Variants in HSPBAP1 observed in about 807,000 individuals in gnomAD.
The protein encoded by HSPBAP1 is HSPB1-associated protein 1.
Under a neutral mutation model 45.2 loss-of-function variants are expected in HSPBAP1, and 27 were observed. The observed-to-expected ratio is 0.60, with a 90% CI of 0.44 to 0.82. The LOEUF is 0.82. Among genes scored for constraint, HSPBAP1 ranks in the 40% least tolerant of loss-of-function variants. HSPBAP1 has a pLI of 0.00. For missense variants in HSPBAP1, 510 were observed against 590.9 expected (o/e 0.86, Z 1.42); for synonymous variants, 204 against 202.7 (o/e 1.01, Z -0.06).
chr3:122,793,721 C>A lies in HSPBAP1; in HGVS notation c.-41G>T, dbSNP rs373575214. 1 of 1,604,416 alleles carries A rather than the reference C, an allele frequency of 6.2e-7. No individual in the cohort carries two copies. The highest frequency in any genetic ancestry group is 8.5e-7 in the Non-Finnish European group (1 of 1,172,406). ...GGTTCTGCCGGAACCCAAGGCGGAG[C>A]GGAGCTGGGGTGGGGTCAGAGTAGG... On this transcript the variant is annotated 5_prime_UTR_variant, in exon 1 of 8. Coordinates refer to ENST00000306103, the MANE Select transcript of HSPBAP1 (RefSeq NM_024610.6).
chr3:122,751,474 A>G (rs1476072883), intron 6 of HSPBAP1, among the ~76,000 whole-genome samples: 4 of 152,202 alleles, frequency 2.6e-5, no homozygotes, highest in Non-Finnish European at 5.9e-5. Flanking sequence ...AAAGGAAAAA[A>G]TCACCCATAA....
intron 6 of HSPBAP1, among the ~76,000 whole-genome samples, chr3:122,747,909 T>G (rs1000733263): frequency 2.0e-5 from 3 of 152,128 alleles, no homozygotes; most frequent in African/African-American, 7.2e-5. Context: ...GAACGGGCCA[T>G]GATGACAATG....
Position 122,740,371 on chromosome 3 carries a change from G to A in HSPBAP1, c.1441C>T (p.Leu481Phe). Residue 481 changes from leucine to phenylalanine, a missense_variant, in exon 8 of 8, where the codon CTT becomes TTT. By Grantham distance (22) the Leu-to-Phe change is conservative. Coordinates refer to ENST00000306103, the MANE Select transcript of HSPBAP1 (RefSeq NM_024610.6). The part of the protein sequence containing the change: ...NPQVTRIVAQ[L>F]LIQGRSL ...CATAAACTTCTTCCTTGTATCAAAA[G>A]TTGTGCCACTATCCTGGTTACTTGT... is the stretch of plus-strand genomic sequence containing the variant. 6.2e-7 allele frequency: 1 copy of A among 1,606,544 alleles called. No individual in the cohort carries two copies. Among genetic ancestry groups the A allele is most frequent in the African/African-American group, 1.3e-5 (1 of 74,868 alleles).
chr3:122,783,398 A>C (rs1207252498), intron 1 of HSPBAP1, among the ~76,000 whole-genome samples: 1 of 152,224 alleles, frequency 6.6e-6, no homozygotes, highest in Non-Finnish European at 1.5e-5. Context: ...CGCGTGTATG[A>C]AAATGAACAC....
chr3:122,747,811 C>T lies in HSPBAP1; in HGVS notation c.825+4780G>A, dbSNP rs867733498. Reference sequence around the variant, plus strand: ...CGCCCCGTCCGGGAGGTGAGGGGCGCCTCTGCCCAGCCGCCCCTACTGGGA... The same window carrying T: ...CGCCCCGTCCGGGAGGTGAGGGGCGTCTCTGCCCAGCCGCCCCTACTGGGA... On this transcript the variant is annotated intron_variant, in intron 6 of 7. Transcript: ENST00000306103. Among the ~76,000 whole-genome samples, 342 of 146,740 alleles carry T rather than the reference C, an allele frequency of 2.3e-3. 11 individuals are homozygous for T. The highest frequency in any genetic ancestry group is 8.5e-3 in the African/African-American group (317 of 37,412).
At chr3:122,772,124 T>C (rs975115863) in intron 2 of HSPBAP1, among the ~76,000 whole-genome samples, 1 of 152,212 alleles carries the variant, frequency 6.6e-6, no homozygotes, top group South Asian at 2.1e-4. Context: ...TCTGTAGACC[T>C]ATATAAAAAC....
chr3:122,779,420 C>T (rs1195786896), intron 1 of HSPBAP1, among the ~76,000 whole-genome samples: 1 of 151,840 alleles, frequency 6.6e-6, no homozygotes, highest in Non-Finnish European at 1.5e-5. Flanking sequence ...CAATTTGACT[C>T]CATTTCTCTC....
chr3:122,750,276 T>C (rs1418396305), intron 6 of HSPBAP1, among the ~76,000 whole-genome samples: 1 of 152,162 alleles, frequency 6.6e-6, no homozygotes, highest in African/African-American at 2.4e-5. Flanking sequence ...CCCGGCCTTA[T>C]GTTACTGTTT....
rs77388517 is a variant in HSPBAP1 at position 122,766,943 on chromosome 3, T to C, written c.432+1758A>G. ...CATGATCAATGTTACTATTAAGCAA[T>C]ATTTTACCTGAAATATGGAGTAAAG... On this transcript the variant is annotated intron_variant, in intron 3 of 7. Coordinates refer to ENST00000306103, the MANE Select transcript of HSPBAP1 (RefSeq NM_024610.6). 5.5e-3 allele frequency among the ~76,000 whole-genome samples: 840 copies of C among 152,314 alleles called. 10 individuals are homozygous for C. Among genetic ancestry groups the C allele is most frequent in the African/African-American group, 0.02 (812 of 41,560 alleles).
At chr3:122,743,737 A>G (rs546643279) in intron 6 of HSPBAP1, among the ~76,000 whole-genome samples, 2 of 152,342 alleles carry the variant, frequency 1.3e-5, no homozygotes, top group South Asian at 4.1e-4. Context: ...GATAAGACAG[A>G]TGGATAGATG....
chr3:122,766,732 G>A (rs190221905), intron 3 of HSPBAP1, among the ~76,000 whole-genome samples: 2 of 152,248 alleles, frequency 1.3e-5, no homozygotes, highest in Non-Finnish European at 2.9e-5. Context: ...TTAAAGCTCT[G>A]TAGTAGTTAA....
chr3:122,766,453 A>G (rs1159677909), intron 3 of HSPBAP1, among the ~76,000 whole-genome samples: 2 of 152,244 alleles, frequency 1.3e-5, no homozygotes, highest in Non-Finnish European at 2.9e-5. Flanking sequence ...AATTGCCATA[A>G]TATGAGCTGA....
chr3:122,780,389 C>A (rs1419259710), intron 1 of HSPBAP1, among the ~76,000 whole-genome samples: 2 of 127,040 alleles, frequency 1.6e-5, no homozygotes, highest in Non-Finnish European at 3.4e-5. Flanking sequence ...GGGCTGACCC[C>A]CCACCTCCCT....
intron 6 of HSPBAP1, among the ~76,000 whole-genome samples, chr3:122,751,778 C>G (rs1934154338): frequency 6.6e-6 from 1 of 152,158 alleles, no homozygotes; most frequent in Non-Finnish European, 1.5e-5. Flanking sequence ...CTCACTTAAG[C>G]CTCAAGGGCT....
chr3:122,756,796 GC>G (rs1338479512), intron 4 of HSPBAP1, among the ~76,000 whole-genome samples: 2 of 151,956 alleles, frequency 1.3e-5, no homozygotes, highest in African/African-American at 4.8e-5. Flanking sequence ...AAAGCTGTTT[GC>G]CTAATCTTAA....
intron 3 of HSPBAP1, among the ~76,000 whole-genome samples, chr3:122,763,008 T>C (rs1321017204): frequency 6.6e-6 from 1 of 152,230 alleles, no homozygotes; most frequent in African/African-American, 2.4e-5. Flanking sequence ...TTTAGGTTGG[T>C]CAGTTTTGTT....
intron 3 of HSPBAP1, 79 bp downstream of exon 3, chr3:122,768,622 G>T: frequency 1.1e-6 from 1 of 911,204 alleles, no homozygotes; most frequent in Non-Finnish European, 1.7e-6. Context: ...AGGCAGAGAA[G>T]GTGCCAGGGA....
chr3:122,781,410 T>C (rs964080808), intron 1 of HSPBAP1, among the ~76,000 whole-genome samples: 1 of 151,940 alleles, frequency 6.6e-6, no homozygotes, highest in African/African-American at 2.4e-5. Flanking sequence ...CGAAAACCAG[T>C]CAGGCGTGGC....
At position 122,777,889 on chromosome 3, in the gene HSPBAP1, A is replaced by G; in HGVS notation, c.82T>C (p.Phe28Leu). 6.2e-7 allele frequency: 1 copy of G among 1,612,754 alleles called. No individual in the cohort carries two copies. The highest frequency in any genetic ancestry group is 8.5e-7 in the Non-Finnish European group (1 of 1,178,986). ...ATTTCTTTTGCTTTCTCTGGCTTAA[A>G]AGGTTTGACATGTTCACCTAGAAAG... is the stretch of plus-strand genomic sequence containing the variant. The part of the protein sequence containing the change: ...GGEEGEHVKP[F>L]KPEKAKEIIM... The change falls in exon 2 of 8, where the codon TTT becomes CTT. Residue 28 changes from phenylalanine (F) to leucine (L), a missense_variant. Transcript: ENST00000306103.
Sources: allele counts gnomAD v4.1 joint callset (sites outside exome capture counted in the v4.1 genomes callset), GRCh38; gene constraint gnomAD v4.1.1; transcripts MANE v1.5; gene names NCBI Gene and HGNC (gene_info 2026-07-23, HGNC 2026-07-21).